The following UBE2E2 variants were observed in gnomAD, a reference collection of about 807,000 sequenced individuals.
UBE2E2 encodes the protein ubiquitin-conjugating enzyme E2 E2.
Under a neutral mutation model 24.7 loss-of-function variants are expected in UBE2E2, and 6 were observed. That is an observed-to-expected ratio of 0.24 (90% CI 0.13 to 0.48). The LOEUF is 0.48. Ranked by LOEUF, UBE2E2 falls within the 20% of genes least tolerant of loss-of-function variation. The pLI is 0.99. For missense variants in UBE2E2, 169 were observed against 245.0 expected, an observed-to-expected ratio of 0.69 and a Z score of 2.07; for synonymous variants, 104 against 83.6, an observed-to-expected ratio of 1.24 and a Z score of -1.33.
rs552780425 is a variant in UBE2E2, at chr3:23,548,996, G to C, written c.508+16295G>C. The stretch of plus-strand genomic sequence containing the variant: ...CTCTGAAAATGTGGCTGAACACTGT[G>C]AGTAATGTTGTAGTTCTTGCCAGTC... On this transcript the variant is annotated intron_variant, in intron 5 of 5. Coordinates refer to ENST00000396703, the MANE Select transcript of UBE2E2 (RefSeq NM_152653.4). 4.7e-4 allele frequency among the ~76,000 whole-genome samples: 71 copies of C among 152,260 alleles called. 1 individual carries two copies. Among genetic ancestry groups the C allele is most frequent in the African/African-American group, 1.7e-3 (69 of 41,562 alleles).
chr3:23,291,146 T>G (rs994187672), intron 3 of UBE2E2, among the ~76,000 whole-genome samples: 5 of 151,336 alleles, frequency 3.3e-5, no homozygotes, highest in African/African-American at 1.2e-4. Flanking sequence ...AGATGCAGAT[T>G]CTCCTTGGGG....
intron 3 of UBE2E2, among the ~76,000 whole-genome samples, chr3:23,328,335 T>G (rs929758012): frequency 1.3e-5 from 2 of 152,230 alleles, no homozygotes; most frequent in African/African-American, 4.8e-5. Context: ...TTTGACTTTA[T>G]GATGGTGCAA....
intron 3 of UBE2E2, among the ~76,000 whole-genome samples, chr3:23,306,226 T>C (rs1342491326): frequency 6.6e-6 from 1 of 152,234 alleles, no homozygotes; most frequent in Admixed American, 6.5e-5. Context: ...TCTAAGTCTA[T>C]TCTGTTATTT....
chr3:23,383,333 C>T (rs1696721887), intron 3 of UBE2E2, among the ~76,000 whole-genome samples: 2 of 151,840 alleles, frequency 1.3e-5, no homozygotes, highest in Admixed American at 1.3e-4. Context: ...CATTAGCAAA[C>T]CTTGAGGAAA....
chr3:23,291,849 A>ATTTTTTTTT lies in UBE2E2; in HGVS notation c.227+74556_227+74564dup, dbSNP rs57708620. On this transcript the variant is annotated intron_variant, in intron 3 of 5. Coordinates refer to ENST00000396703, the MANE Select transcript of UBE2E2 (RefSeq NM_152653.4). ...AGATGTGTGCCACCATGCCCGGCTAATTTTTTTTTTTTTTTTTTTTTTTTT... is the reference window on the plus strand; with the variant it reads ...AGATGTGTGCCACCATGCCCGGCTAATTTTTTTTTTTTTTTTTTTTTTTTTTTTTTTTTT... Among the ~76,000 whole-genome samples, 112 of 64,036 alleles carry ATTTTTTTTT rather than the reference A, an allele frequency of 1.7e-3. 13 individuals carry two copies. The highest frequency in any genetic ancestry group is 2.4e-3 in the Non-Finnish European group (90 of 38,172). 42.0% of individuals were successfully genotyped at this position (64,036 alleles called of 152,430 possible). A position where few individuals can be genotyped will look rare whatever the true frequency, so the allele number is the denominator to read the frequency against.
chr3:23,529,591 T>G (rs1015148173), intron 4 of UBE2E2, among the ~76,000 whole-genome samples: 2 of 152,228 alleles, frequency 1.3e-5, no homozygotes, highest in Admixed American at 1.3e-4. Context: ...AACCTCCCTT[T>G]GCCTTAGTTT....
At chr3:23,265,253 G>C (rs373366529) in intron 3 of UBE2E2, among the ~76,000 whole-genome samples, 1 of 152,190 alleles carries the variant, frequency 6.6e-6, no homozygotes, top group South Asian at 2.1e-4. Flanking sequence ...GGTTGAACTT[G>C]AAGGGGATGG....
chr3:23,440,805 T>C (rs201630719), intron 3 of UBE2E2, among the ~76,000 whole-genome samples: 1 of 151,546 alleles, frequency 6.6e-6, no homozygotes, highest in African/African-American at 2.4e-5. Flanking sequence ...AGAAAAAAAG[T>C]GTCCTGAAGT....
intron 5 of UBE2E2, among the ~76,000 whole-genome samples, chr3:23,581,648 C>G (rs1352529743): frequency 6.6e-6 from 1 of 152,148 alleles, no homozygotes; most frequent in Non-Finnish European, 1.5e-5. Flanking sequence ...AGTTAAAAAC[C>G]CAGACATTCT....
chr3:23,268,111 C>A (rs1265626553), intron 3 of UBE2E2, among the ~76,000 whole-genome samples: 1 of 151,608 alleles, frequency 6.6e-6, no homozygotes, highest in Admixed American at 6.6e-5. Flanking sequence ...ACTGAATGGG[C>A]AAAAACTGGA....
intron 3 of UBE2E2, among the ~76,000 whole-genome samples, chr3:23,424,543 A>G (rs1575620250): frequency 6.6e-6 from 1 of 152,052 alleles, no homozygotes; most frequent in Non-Finnish European, 1.5e-5. Context: ...GCTTGGATTA[A>G]TGAACATATT....
chr3:23,367,878 C>G (rs1206291744), intron 3 of UBE2E2, among the ~76,000 whole-genome samples: 1 of 152,096 alleles, frequency 6.6e-6, no homozygotes, highest in African/African-American at 2.4e-5. Context: ...AGCTGGTGTC[C>G]ACTGCAGAAT....
intron 4 of UBE2E2, among the ~76,000 whole-genome samples, chr3:23,521,642 G>C (rs528500240): frequency 6.6e-6 from 1 of 152,144 alleles, no homozygotes; most frequent in South Asian, 2.1e-4. Flanking sequence ...CATCCAATCC[G>C]GGCCCAGGAT....
At chr3:23,497,932 C>T (rs1343944259) in intron 3 of UBE2E2, among the ~76,000 whole-genome samples, 2 of 152,160 alleles carry the variant, frequency 1.3e-5, no homozygotes, top group African/African-American at 4.8e-5. Context: ...CTAGTTTTTC[C>T]ACATCCTCAT....
intron 3 of UBE2E2, among the ~76,000 whole-genome samples, chr3:23,472,712 G>C (rs1479386131): frequency 6.7e-6 from 1 of 150,084 alleles, no homozygotes; most frequent in Non-Finnish European, 1.5e-5. Context: ...GCAGTGCCGT[G>C]ATCACAGCTC....
intron 3 of UBE2E2, among the ~76,000 whole-genome samples, chr3:23,225,249 T>TG (rs1696786867): frequency 6.6e-6 from 1 of 152,090 alleles, no homozygotes; most frequent in African/African-American, 2.4e-5. Flanking sequence ...TGGATTTTTT[T>TG]TTTTTTACTT....
At chr3:23,551,643 G>A (rs1346959265) in intron 5 of UBE2E2, among the ~76,000 whole-genome samples, 1 of 152,198 alleles carries the variant, frequency 6.6e-6, no homozygotes, top group Non-Finnish European at 1.5e-5. Flanking sequence ...AAGAATGGGG[G>A]CAGCTGGAAG....
At chr3:23,248,992 C>T (rs186431803) in intron 3 of UBE2E2, among the ~76,000 whole-genome samples, 33 of 152,216 alleles carry the variant, frequency 2.2e-4, no homozygotes, top group Middle Eastern at 3.4e-3. Flanking sequence ...TTATTCTGGC[C>T]GGGTGCAGTG....
intron 3 of UBE2E2, among the ~76,000 whole-genome samples, chr3:23,309,963 A>C (rs1694317804): frequency 6.6e-6 from 1 of 152,214 alleles, no homozygotes; most frequent in Non-Finnish European, 1.5e-5. Flanking sequence ...AGGGGGAGTC[A>C]CAGAAGCTAT....
Sources: gnomAD v4.1 joint callset for allele counts (sites outside exome capture counted in the v4.1 genomes callset) on GRCh38, gnomAD v4.1.1 for gene constraint, MANE v1.5 for transcripts, NCBI Gene and HGNC (gene_info 2026-07-23, HGNC 2026-07-21) for gene names.